Variants in ITPK1 observed in about 807,000 individuals in gnomAD.
ITPK1 encodes inositol-tetrakisphosphate 1-kinase.
ITPK1 carries 21 observed loss-of-function variants against 45.3 expected under a neutral mutation model. The ratio of observed to expected loss-of-function variants is 0.46; its 90% CI spans 0.33 to 0.67. ITPK1 has a LOEUF of 0.67. Among genes scored for constraint, ITPK1 ranks in the 30% least tolerant of loss-of-function variants. The probability of loss-of-function intolerance (pLI) is 0.02; values close to 1 mark genes in which losing one functional copy is unlikely to be tolerated. For missense variants in ITPK1, 474 were observed against 573.5 expected (o/e 0.83, Z 1.77); for synonymous variants, 258 against 253.6 (o/e 1.02, Z -0.16).
chr14:92,999,707 T>A (rs545453197), intron 4 of ITPK1, among the ~76,000 whole-genome samples: 1 of 152,380 alleles, frequency 6.6e-6, no homozygotes, highest in East Asian at 1.9e-4. Context: ...AGCCCGGGCC[T>A]CACCTGTAAA....
chr14:92,981,882 G>A (rs1027917909), intron 5 of ITPK1, among the ~76,000 whole-genome samples: 1 of 152,236 alleles, frequency 6.6e-6, no homozygotes, highest in African/African-American at 2.4e-5. Context: ...GGAGGAAGTG[G>A]CCTGAGCCAA....
intron 3 of ITPK1, among the ~76,000 whole-genome samples, chr14:93,052,812 G>A (rs1314274562): frequency 6.6e-6 from 1 of 152,118 alleles, no homozygotes; most frequent in Non-Finnish European, 1.5e-5. Flanking sequence ...AAAGGGGCCG[G>A]GCACAATCTC....
chr14:93,024,355 C>T (rs1888623792), intron 3 of ITPK1, among the ~76,000 whole-genome samples: 2 of 152,178 alleles, frequency 1.3e-5, no homozygotes, highest in Admixed American at 1.3e-4. Context: ...GCTGTGCAGC[C>T]TGGGGAAGGG....
In ITPK1 at chr14:92,958,478, T is replaced by C; in HGVS notation, c.505-112A>G. 1.9e-6 allele frequency: 2 copies of C among 1,057,140 alleles called. No individual in the cohort carries two copies. The highest frequency in any genetic ancestry group is 1.5e-5 in the South Asian group (1 of 67,676). 65.5% of individuals were successfully genotyped at this position (1,057,140 alleles called of 1,614,324 possible). On this transcript the variant is annotated intron_variant, in intron 7 of 10. Transcript: ENST00000267615. This position sits in a 1 kb window ranked among gnomAD's most constrained non-coding sequence, Gnocchi z 4.4. Reference sequence around the variant, plus strand: ...CTCCACCAAGGCCCATCCCTGGTCCTGTGGCATGAGGACTCCCCTAGAGGA... The same window carrying C: ...CTCCACCAAGGCCCATCCCTGGTCCCGTGGCATGAGGACTCCCCTAGAGGA...
At chr14:92,977,454 G>A (rs1048454324) in intron 5 of ITPK1, among the ~76,000 whole-genome samples, 4 of 152,172 alleles carry the variant, frequency 2.6e-5, no homozygotes, top group Admixed American at 6.5e-5. Flanking sequence ...GACAGAACTC[G>A]AACTCAGATC....
Position 92,941,503 on chromosome 14 carries a change from C to G in ITPK1, c.*58G>C. ...GTAGTAGCATCGCCGTTGGGAGCTG[C>G]TGGCCCAGCGGGTGTGCTCTGCGCC... On this transcript the variant is annotated 3_prime_UTR_variant, in exon 11 of 11. Transcript: ENST00000267615. 6.9e-7 allele frequency: 1 copy of G among 1,457,466 alleles called. No individual in the cohort carries two copies. The highest frequency in any genetic ancestry group is 1.5e-5 in the African/African-American group (1 of 67,578). 90.3% of individuals were successfully genotyped at this position (1,457,466 alleles called of 1,614,324 possible). A position where few individuals can be genotyped will look rare whatever the true frequency, so the allele number is the denominator to read the frequency against.
chr14:93,051,337 T>C (rs940922190), intron 3 of ITPK1, among the ~76,000 whole-genome samples: 7 of 152,150 alleles, frequency 4.6e-5, no homozygotes, highest in Non-Finnish European at 7.3e-5. Context: ...AGAGAGTGGC[T>C]GGGAAAGGTG....
At chr14:93,027,877 C>T (rs1888820921) in intron 3 of ITPK1, among the ~76,000 whole-genome samples, 1 of 152,206 alleles carries the variant, frequency 6.6e-6, no homozygotes, top group South Asian at 2.1e-4. Context: ...CTCTCAGTGC[C>T]CAAGGAATCC....
intron 2 of ITPK1, among the ~76,000 whole-genome samples, chr14:93,091,781 T>C (rs1181008664): frequency 1.3e-5 from 2 of 152,126 alleles, no homozygotes; most frequent in Non-Finnish European, 1.5e-5. Context: ...GCCATGCAGC[T>C]AGTCATAGAA....
intron 2 of ITPK1, among the ~76,000 whole-genome samples, chr14:93,089,882 C>G (rs1262355734): frequency 1.3e-5 from 2 of 152,180 alleles, no homozygotes; most frequent in Admixed American, 6.5e-5. Context: ...GCCACCAAGC[C>G]AAAGCCAAGA....
chr14:93,002,266 G>A (rs1027972884), intron 4 of ITPK1, among the ~76,000 whole-genome samples: 2 of 152,212 alleles, frequency 1.3e-5, no homozygotes, highest in African/African-American at 4.8e-5. Flanking sequence ...ACTTGAGCCA[G>A]GAAGGTCGGG....
chr14:93,089,181 C>A (rs1891771888), intron 2 of ITPK1, among the ~76,000 whole-genome samples: 3 of 152,174 alleles, frequency 2.0e-5, no homozygotes, highest in Non-Finnish European at 4.4e-5. Context: ...GCCCCAGGGG[C>A]CCCAAGACCT....
chr14:93,093,105 A>G (rs1891929895), intron 2 of ITPK1, among the ~76,000 whole-genome samples: 1 of 152,186 alleles, frequency 6.6e-6, no homozygotes, highest in South Asian at 2.1e-4. Context: ...AACAAGCAGG[A>G]TGCCGTTCTG....
chr14:92,992,451 G>C (rs917138264), intron 5 of ITPK1, among the ~76,000 whole-genome samples: 1 of 152,240 alleles, frequency 6.6e-6, no homozygotes, highest in Non-Finnish European at 1.5e-5. Flanking sequence ...TCCAGGCCTA[G>C]CAAATAAAGG....
rs183893398 is a variant in ITPK1, at chr14:93,029,425, G to A, written c.121-12624C>T. On this transcript the variant is annotated intron_variant, in intron 3 of 10. Coordinates refer to ENST00000267615, the MANE Select transcript of ITPK1 (RefSeq NM_014216.6). ...TCCACGATGTCCCAAGCAGCCCCAGGAATAAGCCACACATGCCCTGGGCCT... is the reference window on the plus strand; with the variant it reads ...TCCACGATGTCCCAAGCAGCCCCAGAAATAAGCCACACATGCCCTGGGCCT... 2.4e-4 allele frequency among the ~76,000 whole-genome samples: 36 copies of A among 152,124 alleles called. No homozygotes were observed. In the East Asian group the frequency reaches 7.0e-3, roughly 29 times the overall value.
chr14:92,972,758 T>C (rs567158169), intron 5 of ITPK1, among the ~76,000 whole-genome samples: 1 of 152,306 alleles, frequency 6.6e-6, no homozygotes, highest in African/African-American at 2.4e-5. Context: ...GCCTGGCTAA[T>C]TTTTTTGTCT....
At chr14:92,942,969 T>C (rs902991389) in intron 10 of ITPK1, among the ~76,000 whole-genome samples, 2 of 152,248 alleles carry the variant, frequency 1.3e-5, no homozygotes, top group Non-Finnish European at 2.9e-5. Context: ...GTGCCACCTC[T>C]TACAGTGCCC....
intron 3 of ITPK1, among the ~76,000 whole-genome samples, chr14:93,072,788 G>T (rs1030462837): frequency 6.6e-6 from 1 of 151,976 alleles, no homozygotes; most frequent in East Asian, 1.9e-4. Flanking sequence ...TTGTGGTTGG[G>T]GGGGAACCCT....
At chr14:93,021,973 C>T (rs183223852) in intron 3 of ITPK1, among the ~76,000 whole-genome samples, 20 of 152,232 alleles carry the variant, frequency 1.3e-4, no homozygotes, top group Non-Finnish European at 1.6e-4. Flanking sequence ...GAGTGGGTAA[C>T]TTTTCTCCCT....
Sources: allele counts gnomAD v4.1 joint callset (sites outside exome capture counted in the v4.1 genomes callset), GRCh38; gene constraint gnomAD v4.1.1; non-coding constraint Gnocchi (gnomAD v3.1); transcripts MANE v1.5; gene names NCBI Gene and HGNC (gene_info 2026-07-23, HGNC 2026-07-21).